Variants in MANBA observed in about 807,000 individuals in gnomAD.
MANBA encodes the protein mannosidase beta, also known as beta-mannosidase.
MANBA carries 83 observed loss-of-function variants against 111.1 expected under a neutral mutation model. That is an observed-to-expected ratio of 0.75 (90% CI 0.63 to 0.90). MANBA has a LOEUF of 0.90. MANBA is among the 40% of genes least tolerant of loss of function. MANBA has a pLI of 0.00. For synonymous variants in MANBA, 370 were observed against 378.7 expected (o/e 0.98, Z 0.27); for missense variants, 1,036 against 1,069.0 (o/e 0.97, Z 0.43).
At chr4:102,641,477 G>A (rs1260022904) in intron 13 of MANBA, among the ~76,000 whole-genome samples, 3 of 152,220 alleles carry the variant, frequency 2.0e-5, no homozygotes, top group African/African-American at 4.8e-5. Context: ...GGGGGCTAGA[G>A]TGGATTTAGG....
intron 11 of MANBA, among the ~76,000 whole-genome samples, chr4:102,659,324 A>G (rs1730811120): frequency 6.6e-6 from 1 of 152,226 alleles, no homozygotes; most frequent in Non-Finnish European, 1.5e-5. Flanking sequence ...GAAGGCCAGT[A>G]AGCCTTCCCT....
chr4:102,650,117 G>T (rs1445122803), intron 13 of MANBA, among the ~76,000 whole-genome samples: 1 of 152,126 alleles, frequency 6.6e-6, no homozygotes, highest in Non-Finnish European at 1.5e-5. Context: ...ATTCACCACT[G>T]TTTATTGATA....
chr4:102,710,137 T>TA (rs1410043157), intron 5 of MANBA, among the ~76,000 whole-genome samples: 1 of 151,886 alleles, frequency 6.6e-6, no homozygotes, highest in East Asian at 1.9e-4. Flanking sequence ...TCCTATCCAA[T>TA]AAAATGCTGG....
In MANBA at chr4:102,760,884, TG is replaced by T; in HGVS notation, c.10del (p.His4ThrfsTer54). On this transcript the variant is annotated frameshift_variant, in exon 1 of 17. Coordinates refer to ENST00000647097, the MANE Select transcript of MANBA (RefSeq NM_005908.4). LOFTEE classifies it high-confidence loss of function. ...GCACAGCGCGAGCAGCAGGAGCAGGTGGAGGCGCATCTTGAGATCCCGCGCC... is the reference window on the plus strand; with the variant it reads ...GCACAGCGCGAGCAGCAGGAGCAGGTGAGGCGCATCTTGAGATCCCGCGCC... MRL[H>X]LLLLLALCGA... 1 of 1,567,302 alleles carries T rather than the reference TG, an allele frequency of 6.4e-7. No homozygotes were observed. Among genetic ancestry groups the T allele is most frequent in the African/African-American group, 1.3e-5 (1 of 74,156 alleles).
chr4:102,737,106 G>C (rs546400128), intron 1 of MANBA, among the ~76,000 whole-genome samples: 1 of 152,282 alleles, frequency 6.6e-6, no homozygotes, highest in South Asian at 2.1e-4. Context: ...ATCTCACAGA[G>C]GTCTTTGGGG....
Position 102,642,408 on chromosome 4 carries a change from T to C in MANBA, c.1870-2551A>G, listed in dbSNP as rs148347091. Among the ~76,000 whole-genome samples, 607 of 152,144 alleles carry C rather than the reference T, an allele frequency of 4.0e-3. 8 individuals are homozygous for C. The highest frequency in any genetic ancestry group is 7.1e-3 in the South Asian group (34 of 4,820). On this transcript the variant is annotated intron_variant, in intron 13 of 16. Coordinates refer to ENST00000647097, the MANE Select transcript of MANBA (RefSeq NM_005908.4). ...GAATCACGAGGTCAGGAGATGGAGA[T>C]CATCCTGGCTAACACGGTGAAACCC...
intron 12 of MANBA, 112 bp from the exon 13 acceptor site, chr4:102,650,813 G>T: frequency 3.7e-6 from 3 of 819,556 alleles, no homozygotes; most frequent in Non-Finnish European, 4.1e-6. Context: ...AGACCTTGAG[G>T]TTTGTTCTGT....
rs1017950227 is a variant in MANBA at position 102,693,909 on chromosome 4, C to G, written c.674-3138G>C. Among the ~76,000 whole-genome samples, 38 of 152,250 alleles carry G rather than the reference C, an allele frequency of 2.5e-4. 1 individual carries two copies. The highest frequency in any genetic ancestry group is 8.9e-4 in the African/African-American group (37 of 41,550). The stretch of plus-strand genomic sequence containing the variant: ...GCCAGGCTTGGCTATTGTAAAGACT[C>G]CCTTTACACTGAATTTGAAATATAC... On this transcript the variant is annotated intron_variant, in intron 5 of 16. Coordinates refer to ENST00000647097, the MANE Select transcript of MANBA (RefSeq NM_005908.4).
In MANBA at chr4:102,650,818, T is replaced by A; in HGVS notation, c.1705-117A>T. ...ACACTAGAGAAGACCTTGAGGTTTG[T>A]TCTGTGGCTCCAGTTTCATAAATGT... is the stretch of plus-strand genomic sequence containing the variant. On this transcript the variant is annotated intron_variant, in intron 12 of 16. Coordinates refer to ENST00000647097, the MANE Select transcript of MANBA (RefSeq NM_005908.4). The A allele has an allele frequency of 3.8e-6, 3 of 782,986 alleles. No homozygotes were observed. In the East Asian group the frequency reaches 8.0e-5, roughly 21 times the overall value. The allele number at this position is 782,986 out of a possible 1,614,324, so 48.5% of individuals were successfully genotyped here. A position where few individuals can be genotyped will look rare whatever the true frequency, so the allele number is the denominator to read the frequency against.
chr4:102,636,260 T>C (rs1236828403), intron 14 of MANBA, among the ~76,000 whole-genome samples: 1 of 152,214 alleles, frequency 6.6e-6, no homozygotes, highest in Non-Finnish European at 1.5e-5. Flanking sequence ...TTAGGCAATT[T>C]CATCATTGTG....
intron 1 of MANBA, chr4:102,729,781 T>C: frequency 8.3e-7 from 1 of 1,200,626 alleles, no homozygotes; most frequent in Non-Finnish European, 1.2e-6. Flanking sequence ...CTCTGAGCCA[T>C]CTTCTGCTGC....
intron 16 of MANBA, 48 bp downstream of exon 16, chr4:102,634,740 A>C (rs1475042038): frequency 6.2e-7 from 1 of 1,611,370 alleles, no homozygotes; most frequent in Non-Finnish European, 8.5e-7. Flanking sequence ...GAGCAGGAGA[A>C]CCCCACAAGG....
intron 5 of MANBA, among the ~76,000 whole-genome samples, chr4:102,711,468 T>C (rs543687431): frequency 6.6e-6 from 1 of 152,212 alleles, no homozygotes; most frequent in East Asian, 1.9e-4. Context: ...TAATAGATGC[T>C]GGAGAGGATG....
At chr4:102,729,352 C>G (rs1722936654) in intron 1 of MANBA, 1 of 761,788 alleles carries the variant, frequency 1.3e-6, no homozygotes, top group African/African-American at 1.7e-5. Flanking sequence ...CTTGGCCTGG[C>G]TGCAGTTGGC....
At chr4:102,648,626 TG>T (rs1466195389) in intron 13 of MANBA, among the ~76,000 whole-genome samples, 6 of 152,152 alleles carry the variant, frequency 3.9e-5, no homozygotes, top group Non-Finnish European at 5.9e-5. Flanking sequence ...CTTTTTAGAA[TG>T]ACAGAAATAT....
At chr4:102,698,339 G>A (rs2110253337) in intron 5 of MANBA, among the ~76,000 whole-genome samples, 1 of 151,302 alleles carries the variant, frequency 6.6e-6, no homozygotes, top group Admixed American at 6.6e-5. Context: ...TTCTTTTGCT[G>A]TGCAGAAGCT....
intron 1 of MANBA, chr4:102,730,718 C>A: frequency 1.9e-6 from 1 of 528,048 alleles, no homozygotes; most frequent in South Asian, 1.4e-5. Flanking sequence ...GGATTCCCTA[C>A]AGATAGATGC....
chr4:102,728,260 AC>A, intron 1 of MANBA: 1 of 536,346 alleles, frequency 1.9e-6, no homozygotes, highest in South Asian at 1.4e-5. Flanking sequence ...ATGCCCAGGC[AC>A]CCTGTTCCTT....
chr4:102,635,507 C>G (rs1729586000), intron 15 of MANBA, among the ~76,000 whole-genome samples: 1 of 152,170 alleles, frequency 6.6e-6, no homozygotes, highest in Non-Finnish European at 1.5e-5. Context: ...CCATTTTTAA[C>G]CATTTCTTTT....
Sources: allele counts gnomAD v4.1 joint callset (sites outside exome capture counted in the v4.1 genomes callset), GRCh38; gene constraint gnomAD v4.1.1; transcripts MANE v1.5; gene names NCBI Gene and HGNC (gene_info 2026-07-23, HGNC 2026-07-21).